Variants in MYCBP2 observed in about 807,000 individuals in gnomAD.
MYCBP2 encodes the protein MYC binding protein 2, also known as E3 ubiquitin-protein ligase MYCBP2.
Under a neutral mutation model 525.3 loss-of-function variants are expected in MYCBP2, and 120 were observed. The ratio of observed to expected loss-of-function variants is 0.23; its 90% CI spans 0.20 to 0.27. MYCBP2 has a LOEUF of 0.27. MYCBP2 is among the 10% of genes least tolerant of loss of function. The probability of loss-of-function intolerance (pLI) is 1.00; values close to 1 mark genes in which losing one functional copy is unlikely to be tolerated. For synonymous variants in MYCBP2, 1,894 were observed against 1,955.8 expected, an observed-to-expected ratio of 0.97 and a Z score of 0.83; for missense variants, 4,149 against 5,657.1, an observed-to-expected ratio of 0.73 and a Z score of 8.55.
Position 77,263,958 on chromosome 13 carries a change from A to G in MYCBP2, c.1402T>C (p.Tyr468His). The G allele has an allele frequency of 5.6e-6, 9 of 1,612,782 alleles. No individual in the cohort carries two copies. The highest frequency in any genetic ancestry group is 7.6e-6 in the Non-Finnish European group (9 of 1,179,158). ...CTTGAAGCAGCTATCTGATTAATAT[A>G]TTCTCCATCAGTGAATAAAATATTT... Reference protein sequence around the residue: ...GQNILFTDGEYINQIAASRDD... With the variant: ...GQNILFTDGEHINQIAASRDD... Residue 468 changes from tyrosine (Y) to histidine (H), a missense_variant, in exon 9 of 83, where the codon TAT becomes CAT. By Grantham distance (83) the Tyr-to-His change is moderately conservative. Around this residue, in one of 21 missense-constraint regions of MYCBP2, gnomAD observed 262 missense variants for 419.3 expected, o/e 0.62. Transcript: ENST00000544440.
intron 17 of MYCBP2, among the ~76,000 whole-genome samples, chr13:77,241,363 T>A (rs903133357): frequency 6.6e-6 from 1 of 152,138 alleles, no homozygotes; most frequent in African/African-American, 2.4e-5. Flanking sequence ...TGTGAATAAT[T>A]AAGTGTAAGG....
chr13:77,073,997 C>T (rs1371438988), intron 68 of MYCBP2, among the ~76,000 whole-genome samples: 1 of 125,352 alleles, frequency 8.0e-6, no homozygotes, highest in African/African-American at 2.7e-5. Context: ...AATTCCATCC[C>T]CACCGCCCCC....
intron 1 of MYCBP2, among the ~76,000 whole-genome samples, chr13:77,297,204 A>C (rs1399560242): frequency 6.6e-6 from 1 of 152,244 alleles, no homozygotes; most frequent in Non-Finnish European, 1.5e-5. Context: ...AAGCCCCTGA[A>C]TAACTTTTGA....
intron 16 of MYCBP2, 34 bp downstream of exon 16, chr13:77,243,772 C>G: frequency 6.3e-7 from 1 of 1,592,838 alleles, no homozygotes; most frequent in Non-Finnish European, 8.6e-7. Flanking sequence ...TTGAGGACAA[C>G]TCAGTGTAGC....
Position 77,263,692 on chromosome 13 carries a change from C to T in MYCBP2, c.1529G>A (p.Gly510Asp). Residue 510 changes from glycine (G) to aspartate (D), a missense_variant, in exon 10 of 83, where the codon GGT becomes GAT. Coordinates refer to ENST00000544440, the MANE Select transcript of MYCBP2 (RefSeq NM_015057.5). ...KLARKCLHAC[G>D]ISLFDLEKDL... ...CTTTTCCAGATCGAATAGTGAGATA[C>T]CACAGGCATGTAAGCATTTTCTAGC... is the stretch of plus-strand genomic sequence containing the variant. 1 of 1,612,874 alleles carries T rather than the reference C, an allele frequency of 6.2e-7. No homozygotes were observed. Among genetic ancestry groups the T allele is most frequent in the Non-Finnish European group, 8.5e-7 (1 of 1,179,236 alleles).
At chr13:77,113,818 G>A (rs904980249) in intron 55 of MYCBP2, among the ~76,000 whole-genome samples, 1 of 152,102 alleles carries the variant, frequency 6.6e-6, no homozygotes, top group Non-Finnish European at 1.5e-5. Context: ...GTATTTGTAG[G>A]GATGCTGGAG....
intron 30 of MYCBP2, among the ~76,000 whole-genome samples, chr13:77,186,790 T>C (rs117470816): frequency 0.051 from 7,456 of 147,140 alleles, 267 homozygotes; most frequent in Middle Eastern, 0.076. Flanking sequence ...TGAAAACGAG[T>C]TTATAGATTC....
At position 77,064,657 on chromosome 13, in the gene MYCBP2, T is replaced by C; in HGVS notation, c.12630A>G (p.Glu4210=). 6.2e-7 allele frequency: 1 copy of C among 1,613,664 alleles called. No homozygotes were observed. The highest frequency in any genetic ancestry group is 8.5e-7 in the Non-Finnish European group (1 of 1,179,758). ...ATCTCACTGGAGACCTAAATTCTTC[T>C]TCCATCTTGGTCAAGGCAATGATGG... ...AETIIALTKM[E]EEFRSPVRCI... Residue 4210 remains glutamate (E), a synonymous_variant, in exon 73 of 83, where the codon GAA becomes GAG. Coordinates refer to ENST00000544440, the MANE Select transcript of MYCBP2 (RefSeq NM_015057.5).
At chr13:77,138,273 A>G (rs2054063715) in intron 52 of MYCBP2, among the ~76,000 whole-genome samples, 1 of 152,226 alleles carries the variant, frequency 6.6e-6, no homozygotes, top group Admixed American at 6.5e-5. Flanking sequence ...AATGAGATCA[A>G]TAAATAGAAA....
At chr13:77,116,287 T>C (rs2049744855) in intron 55 of MYCBP2, among the ~76,000 whole-genome samples, 3 of 151,908 alleles carry the variant, frequency 2.0e-5, no homozygotes, top group South Asian at 2.1e-4. Context: ...TTTTACTAAA[T>C]AGCATAGGGA....
rs186969374 is a variant in MYCBP2, at chr13:77,283,545, T to A, written c.594+4616A>T. ...GGTAAGTCTAAATCTTTTAATAATG[T>A]GGCATGACTGGCTTCAAATGGGTTC... On this transcript the variant is annotated intron_variant, in intron 3 of 82. Coordinates refer to ENST00000544440, the MANE Select transcript of MYCBP2 (RefSeq NM_015057.5). Among the ~76,000 whole-genome samples the A allele has an allele frequency of 2.0e-3, 310 of 152,298 alleles. 4 individuals carry two copies. The highest frequency in any genetic ancestry group is 8.2e-4 in the Non-Finnish European group (56 of 68,014).
intron 23 of MYCBP2, among the ~76,000 whole-genome samples, chr13:77,208,538 A>G (rs2063617084): frequency 6.6e-6 from 1 of 152,236 alleles, no homozygotes; most frequent in African/African-American, 2.4e-5. Flanking sequence ...CACAATTTTA[A>G]TAATGAAGCT....
chr13:77,247,596 C>G (rs961247296), intron 15 of MYCBP2, among the ~76,000 whole-genome samples: 3 of 152,124 alleles, frequency 2.0e-5, no homozygotes, highest in African/African-American at 7.2e-5. Context: ...TAGAAAATCT[C>G]TAGGGACCTC....
intron 60 of MYCBP2, among the ~76,000 whole-genome samples, chr13:77,089,882 G>A (rs1001338017): frequency 2.0e-5 from 3 of 151,888 alleles, no homozygotes; most frequent in Non-Finnish European, 2.9e-5. Flanking sequence ...ATTTATTCTC[G>A]AACAATCACT....
Position 77,087,513 on chromosome 13 carries a change from T to C in MYCBP2, c.10846A>G (p.Asn3616Asp). Residue 3616 changes from asparagine to aspartate, a missense_variant, in exon 62 of 83, where the codon AAT becomes GAT. Asn to Asp is a conservative substitution (Grantham distance 23, BLOSUM62 1). This residue lies in a region of MYCBP2 where 509 missense variants were observed against 789.4 expected (regional missense o/e 0.64). Transcript: ENST00000544440. The stretch of plus-strand genomic sequence containing the variant: ...TCTGAATTTTCTTTGCTTGTTTTAT[T>C]TTCTTCATCCTCTTCTTCCTCTGGT... ...VEPEEEEDEE[N>D]KTSKENSEQE... The C allele has an allele frequency of 6.2e-7, 1 of 1,612,472 alleles. No individual in the cohort carries two copies. The highest frequency in any genetic ancestry group is 8.5e-7 in the Non-Finnish European group (1 of 1,179,184).
chr13:77,145,116 A>G (rs2055316529), intron 48 of MYCBP2, among the ~76,000 whole-genome samples: 1 of 152,162 alleles, frequency 6.6e-6, no homozygotes, highest in Non-Finnish European at 1.5e-5. Context: ...ATTTATATCA[A>G]ACTCCATTCT....
intron 55 of MYCBP2, among the ~76,000 whole-genome samples, chr13:77,101,800 C>T (rs944774228): frequency 6.6e-6 from 1 of 151,810 alleles, no homozygotes; most frequent in African/African-American, 2.4e-5. Context: ...AGCCCCTGTG[C>T]TAATTTATGT....
At chr13:77,122,973 C>T (rs1328623888) in intron 54 of MYCBP2, among the ~76,000 whole-genome samples, 1 of 152,164 alleles carries the variant, frequency 6.6e-6, no homozygotes. Flanking sequence ...GCACTGCTTC[C>T]TCTCTAGACT....
At position 77,140,135 on chromosome 13, in the gene MYCBP2, G is replaced by A. The variant is rs1409620221; in HGVS notation, c.7430C>T (p.Ala2477Val). Residue 2477 changes from alanine to valine, a missense_variant, in exon 51 of 83, where the codon GCG (alanine) becomes GTG (valine). Ala to Val is a moderately conservative substitution (Grantham distance 64). This residue lies in a region of MYCBP2 where 692 missense variants were observed against 852.7 expected (regional missense o/e 0.81). Coordinates refer to ENST00000544440, the MANE Select transcript of MYCBP2 (RefSeq NM_015057.5). ...KVRKFVAKDS[A>V]GLRIRSHPSL... ...AGGGTGGCTACGGATGCGAAGCCCC[G>A]CACTGTCCTTGGCCACAAATTTTCG... The A allele has an allele frequency of 5.6e-6, 9 of 1,610,688 alleles. No homozygotes were observed. The highest frequency in any genetic ancestry group is 1.3e-5 in the African/African-American group (1 of 74,922).
Sources: gnomAD v4.1 joint callset for allele counts (sites outside exome capture counted in the v4.1 genomes callset) on GRCh38, gnomAD v4.1.1 for gene constraint, gnomAD v4.1.1 regional missense constraint, MANE v1.5 for transcripts, NCBI Gene and HGNC (gene_info 2026-07-23, HGNC 2026-07-21) for gene names.